Variants in CTNND2 observed in about 807,000 individuals in gnomAD.
The protein encoded by CTNND2 is catenin delta-2.
In CTNND2, 22 loss-of-function variants were observed where a neutral mutation model predicts 144.4. The ratio of observed to expected loss-of-function variants is 0.15; its 90% CI spans 0.11 to 0.22. The LOEUF (loss-of-function observed/expected upper bound fraction) is 0.22. Ranked by LOEUF, CTNND2 falls within the 10% of genes least tolerant of loss-of-function variation. The pLI, the probability that CTNND2 is intolerant of heterozygous loss-of-function variation, is 1.00. For missense variants in CTNND2, 1,353 were observed against 1,618.8 expected (o/e 0.84, Z 2.82); for synonymous variants, 751 against 695.6 (o/e 1.08, Z -1.25).
chr5:11,301,606 G>A lies in CTNND2; in HGVS notation c.1628+44766C>T, dbSNP rs77840138. On this transcript the variant is annotated intron_variant, in intron 9 of 21. Transcript: ENST00000304623. ...TCAAACATTATTTTCTTCCCCTGAA[G>A]TTTCATTGTTGAGAGAGAAGAAATT... Among the ~76,000 whole-genome samples, 1,029 of 152,218 alleles carry A rather than the reference G, an allele frequency of 6.8e-3. 9 individuals carry two copies. Among genetic ancestry groups the A allele is most frequent in the African/African-American group, 0.023 (961 of 41,534 alleles).
intron 3 of CTNND2, among the ~76,000 whole-genome samples, chr5:11,442,911 A>G (rs1185352020): frequency 6.8e-6 from 1 of 147,180 alleles, no homozygotes; most frequent in Non-Finnish European, 1.5e-5. Context: ...AGTGAAAAGC[A>G]CTAAAATTAA....
At chr5:11,181,184 C>T (rs1760963198) in intron 11 of CTNND2, among the ~76,000 whole-genome samples, 2 of 152,160 alleles carry the variant, frequency 1.3e-5, no homozygotes, top group South Asian at 2.1e-4. Context: ...TTGACTCGCC[C>T]TTAGCCCAGC....
intron 18 of CTNND2, among the ~76,000 whole-genome samples, chr5:11,004,770 C>CAAAAAAAA (rs56261802): frequency 1.2e-4 from 11 of 88,852 alleles, no homozygotes; most frequent in Non-Finnish European, 2.1e-4. Flanking sequence ...CTCCTTCTCA[C>CAAAAAAAA]AAAAAAAAAA....
rs569624822 is a variant in CTNND2, at chr5:11,069,486, G to C, written c.2788+13210C>G. On this transcript the variant is annotated intron_variant, in intron 16 of 21. Coordinates refer to ENST00000304623, the MANE Select transcript of CTNND2 (RefSeq NM_001332.4). Reference sequence around the variant, plus strand: ...AAATGTTATCCGTAGGGACAGAGGAGAGAGTGTCCAACTGGAAAGGAGGCT... The same window carrying C: ...AAATGTTATCCGTAGGGACAGAGGACAGAGTGTCCAACTGGAAAGGAGGCT... Among the ~76,000 whole-genome samples, 16 of 152,304 alleles carry C rather than the reference G, an allele frequency of 1.1e-4. No individual in the cohort carries two copies. The East Asian group carries it at 2.9e-3, about 28-fold the overall frequency.
intron 9 of CTNND2, among the ~76,000 whole-genome samples, chr5:11,289,285 T>C (rs1748066565): frequency 6.6e-6 from 1 of 152,202 alleles, no homozygotes. Flanking sequence ...CTTGCAAACT[T>C]TCACTCAGAT....
chr5:11,165,827 C>T (rs997760744), intron 11 of CTNND2, among the ~76,000 whole-genome samples: 3 of 151,932 alleles, frequency 2.0e-5, no homozygotes, highest in Admixed American at 2.0e-4. Context: ...TGCTTTAATA[C>T]AGGGTAATTG....
At chr5:11,302,985 C>T (rs6860372) in intron 9 of CTNND2, among the ~76,000 whole-genome samples, 15,277 of 152,192 alleles carry the variant, frequency 0.1, 990 homozygotes, top group South Asian at 0.15. Flanking sequence ...CATAGCCAGA[C>T]TTTGAGCCCT....
chr5:11,383,789 A>G lies in CTNND2; in HGVS notation c.1177+876T>C, dbSNP rs61749850. Among the ~76,000 whole-genome samples, 65 of 152,326 alleles carry G rather than the reference A, an allele frequency of 4.3e-4. No individual in the cohort carries two copies. The East Asian group carries it at 0.01, about 24-fold the overall frequency. On this transcript the variant is annotated intron_variant, in intron 7 of 21. Coordinates refer to ENST00000304623, the MANE Select transcript of CTNND2 (RefSeq NM_001332.4). ...GTAAGGGAAAAAAAATTCACAATAA[A>G]TCCGGGTTAGTTGTCAGGTGTTTCA...
At chr5:11,077,583 C>T (rs1749081509) in intron 16 of CTNND2, among the ~76,000 whole-genome samples, 2 of 152,200 alleles carry the variant, frequency 1.3e-5, no homozygotes, top group South Asian at 4.2e-4. Context: ...CCACATCTGC[C>T]CTGCAAAGAC....
intron 13 of CTNND2, among the ~76,000 whole-genome samples, chr5:11,113,883 C>T (rs1479764361): frequency 6.6e-6 from 1 of 152,192 alleles, no homozygotes; most frequent in Non-Finnish European, 1.5e-5. Context: ...GTGCCCTGTA[C>T]TTATTACCGA....
intron 9 of CTNND2, among the ~76,000 whole-genome samples, chr5:11,266,848 C>T (rs1339104366): frequency 6.6e-6 from 1 of 152,174 alleles, no homozygotes; most frequent in East Asian, 1.9e-4. Context: ...TTCCTACTCT[C>T]GAACTGCCAC....
At chr5:11,668,356 GT>G (rs1783686990) in intron 2 of CTNND2, among the ~76,000 whole-genome samples, 1 of 152,354 alleles carries the variant, frequency 6.6e-6, no homozygotes, top group African/African-American at 2.4e-5. Context: ...ACTTTGGGCA[GT>G]ATGCCCATTT....
intron 2 of CTNND2, among the ~76,000 whole-genome samples, chr5:11,597,979 T>TA (rs758356445): frequency 5.3e-5 from 8 of 152,196 alleles, no homozygotes; most frequent in Non-Finnish European, 8.8e-5. Context: ...TCACTGAAAT[T>TA]ACCCTTTTCC....
At chr5:11,875,944 C>T (rs1015615336) in intron 1 of CTNND2, among the ~76,000 whole-genome samples, 4 of 152,164 alleles carry the variant, frequency 2.6e-5, no homozygotes, top group Admixed American at 2.6e-4. Flanking sequence ...TGCTTCCACA[C>T]AATCTCACAA....
chr5:11,187,972 G>A (rs542561587), intron 11 of CTNND2, among the ~76,000 whole-genome samples: 53 of 152,252 alleles, frequency 3.5e-4, no homozygotes, highest in Admixed American at 6.5e-4. Context: ...GCGAGGCTGC[G>A]GAGAAACAGG....
At chr5:11,147,165 C>A (rs535504201) in intron 12 of CTNND2, among the ~76,000 whole-genome samples, 1 of 152,236 alleles carries the variant, frequency 6.6e-6, no homozygotes, top group South Asian at 2.1e-4. Context: ...TCGTCATGTA[C>A]GTGAGAATGT....
chr5:11,214,676 C>T (rs1454740557), intron 10 of CTNND2, among the ~76,000 whole-genome samples: 5 of 152,166 alleles, frequency 3.3e-5, no homozygotes, highest in Non-Finnish European at 7.3e-5. Flanking sequence ...GCCTTCAGTC[C>T]TGCCTGACCT....
intron 7 of CTNND2, among the ~76,000 whole-genome samples, chr5:11,380,347 C>G (rs935387147): frequency 6.6e-6 from 1 of 152,126 alleles, no homozygotes; most frequent in Non-Finnish European, 1.5e-5. Flanking sequence ...GTAGGTATTA[C>G]TAAATAATAT....
At chr5:11,623,222 G>A (rs539894770) in intron 2 of CTNND2, among the ~76,000 whole-genome samples, 20 of 151,910 alleles carry the variant, frequency 1.3e-4, no homozygotes, top group Non-Finnish European at 2.2e-4. Flanking sequence ...TTATAGGCTC[G>A]TTGATATGGT....
Sources: allele counts gnomAD v4.1 joint callset (sites outside exome capture counted in the v4.1 genomes callset), GRCh38; gene constraint gnomAD v4.1.1; transcripts MANE v1.5; gene names NCBI Gene and HGNC (gene_info 2026-07-23, HGNC 2026-07-21).